ITSN1: variants seen among roughly 807,000 people sequenced by gnomAD.
ITSN1 encodes intersectin-1.
ITSN1 carries 58 observed loss-of-function variants against 239.8 expected under a neutral mutation model. The observed-to-expected ratio is 0.24, with a 90% CI of 0.20 to 0.30. The LOEUF is 0.30. Ranked by LOEUF, ITSN1 falls within the 10% of genes least tolerant of loss-of-function variation. ITSN1 has a pLI of 1.00. For missense variants in ITSN1, 1,558 were observed against 2,103.3 expected (o/e 0.74, Z 5.07); for synonymous variants, 780 against 770.8 (o/e 1.01, Z -0.20).
chr21:33,739,423 C>G (rs1415029413), intron 5 of ITSN1, among the ~76,000 whole-genome samples: 1 of 152,128 alleles, frequency 6.6e-6, no homozygotes, highest in Non-Finnish European at 1.5e-5. Context: ...GTTTTGTAAG[C>G]CCCTACTGTG....
intron 4 of ITSN1, among the ~76,000 whole-genome samples, chr21:33,726,625 A>G (rs1202957248): frequency 2.0e-5 from 3 of 152,206 alleles, no homozygotes; most frequent in South Asian, 2.1e-4. Context: ...GGACTCAAAC[A>G]ATCCTCCCAC....
At chr21:33,731,830 CTG>C (rs2066205344) in intron 4 of ITSN1, among the ~76,000 whole-genome samples, 1 of 152,126 alleles carries the variant, frequency 6.6e-6, no homozygotes, top group Non-Finnish European at 1.5e-5. Context: ...GAGTCAAACT[CTG>C]TAAAATATTT....
intron 16 of ITSN1, among the ~76,000 whole-genome samples, chr21:33,788,837 A>G (rs1892588): frequency 0.52 from 79,318 of 152,034 alleles, 20,927 homozygotes; most frequent in East Asian, 0.81. Context: ...ACAGTGACAT[A>G]TATCTCAGGA....
rs2069467523 is a variant in ITSN1 at position 33,774,811 on chromosome 21, A to G, written c.1388A>G (p.Lys463Arg). Residue 463 changes from lysine (K) to arginine (R), a missense_variant, in exon 13 of 40, where the codon AAA becomes AGA. Transcript: ENST00000381318. ...RRQELLNQRN[K>R]EQEDIVVLKA... ...CAAGAACTACTAAATCAAAGAAACAAAGAACAAGAGGACATAGTTGTACTG... is the reference window on the plus strand; with the variant it reads ...CAAGAACTACTAAATCAAAGAAACAGAGAACAAGAGGACATAGTTGTACTG... 1.2e-6 allele frequency: 2 copies of G among 1,614,066 alleles called. No individual in the cohort carries two copies. The highest frequency in any genetic ancestry group is 2.7e-5 in the African/African-American group (2 of 75,060).
intron 16 of ITSN1, among the ~76,000 whole-genome samples, chr21:33,793,428 A>G (rs2071303520): frequency 6.6e-6 from 1 of 152,200 alleles, no homozygotes; most frequent in Non-Finnish European, 1.5e-5. Flanking sequence ...ACTTTGACTC[A>G]TCTGATTTAT....
At chr21:33,712,498 C>T (rs1216947446) in intron 1 of ITSN1, among the ~76,000 whole-genome samples, 9 of 152,174 alleles carry the variant, frequency 5.9e-5, no homozygotes, top group Non-Finnish European at 1.2e-4. Flanking sequence ...GAGCCTAAGA[C>T]AAGCGGGAGT....
In ITSN1 at chr21:33,899,194, G is replaced by C. The variant is rs1389989380; in HGVS notation, c.*10894G>C. 1 of 152,246 alleles carries C rather than the reference G, an allele frequency of 6.6e-6. No homozygotes were observed. The highest frequency in any genetic ancestry group is 2.4e-5 in the African/African-American group (1 of 41,450). 9.4% of individuals were successfully genotyped at this position (152,246 alleles called of 1,614,324 possible). A position where few individuals can be genotyped will look rare whatever the true frequency, so the allele number is the denominator to read the frequency against. ...TCAAAAAAGTCTGGGGACAAGAAAA[G>C]CTAGAACATGGGGCCCTCCCTTCCC... On this transcript the variant is annotated 3_prime_UTR_variant, in exon 40 of 40. Transcript: ENST00000381318.
In ITSN1 at chr21:33,883,894, G is replaced by GTT. The variant is rs34448559; in HGVS notation, c.4676+245_4676+246dup. Reference sequence around the variant, plus strand: ...ATGGATTCAAACTAATTTTGCTTGAGTTTTTTTTTTTTTTTTTTTTTTTAA... The same window carrying GTT: ...ATGGATTCAAACTAATTTTGCTTGAGTTTTTTTTTTTTTTTTTTTTTTTTTAA... On this transcript the variant is annotated intron_variant, in intron 36 of 39. Coordinates refer to ENST00000381318, the MANE Select transcript of ITSN1 (RefSeq NM_003024.3). 0.045 allele frequency among the ~76,000 whole-genome samples: 4,932 copies of GTT among 109,708 alleles called. 198 individuals carry two copies. The highest frequency in any genetic ancestry group is 0.062 in the Non-Finnish European group (3,531 of 56,656). The allele number at this position is 109,708 out of a possible 152,430, so 72.0% of individuals were successfully genotyped here. A position where few individuals can be genotyped will look rare whatever the true frequency, so the allele number is the denominator to read the frequency against.
chr21:33,860,459 G>T (rs902604471), intron 31 of ITSN1, among the ~76,000 whole-genome samples: 2 of 152,222 alleles, frequency 1.3e-5, no homozygotes, highest in Non-Finnish European at 2.9e-5. Flanking sequence ...CCACTTCAGG[G>T]TTGGCCTGAG....
intron 14 of ITSN1, 41 bp from the exon 15 acceptor site, chr21:33,781,420 C>G (rs764335381): frequency 8.3e-6 from 9 of 1,080,764 alleles, no homozygotes; most frequent in Non-Finnish European, 1.3e-5. Context: ...ATGTGGTAGC[C>G]TTCCCTGTCA....
intron 33 of ITSN1, among the ~76,000 whole-genome samples, chr21:33,869,559 G>A (rs576924938): frequency 1.3e-5 from 2 of 152,304 alleles, no homozygotes; most frequent in Non-Finnish European, 2.9e-5. Flanking sequence ...TTCTTCTCCT[G>A]TCACTTTGAG....
chr21:33,706,747 T>C (rs905557070), intron 1 of ITSN1, among the ~76,000 whole-genome samples: 8 of 152,014 alleles, frequency 5.3e-5, no homozygotes, highest in Non-Finnish European at 8.8e-5. Flanking sequence ...GTTTTATTTG[T>C]TTATTTATTT....
chr21:33,751,228 C>A (rs1269721819), intron 6 of ITSN1, among the ~76,000 whole-genome samples: 1 of 152,190 alleles, frequency 6.6e-6, no homozygotes, highest in Non-Finnish European at 1.5e-5. Context: ...CAAATCCACA[C>A]ACTCTGAGTC....
At chr21:33,707,336 G>A (rs2092283639) in intron 1 of ITSN1, among the ~76,000 whole-genome samples, 1 of 151,936 alleles carries the variant, frequency 6.6e-6, no homozygotes, top group Admixed American at 6.6e-5. Context: ...ATGTTGCCCA[G>A]GCTAGTCTTG....
intron 28 of ITSN1, 88 bp downstream of exon 28, chr21:33,834,512 G>T: frequency 1.1e-6 from 1 of 936,900 alleles, no homozygotes; most frequent in South Asian, 1.4e-5. Flanking sequence ...ATCTTAGGTT[G>T]TTTTTCACAT....
At chr21:33,799,981 CCT>C in intron 19 of ITSN1, 52 bp downstream of exon 19, 2 of 1,566,568 alleles carry the variant, frequency 1.3e-6, no homozygotes, top group Non-Finnish European at 1.7e-6. Flanking sequence ...TAGCCTCTGT[CCT>C]CTTTTTTTCA....
intron 1 of ITSN1, chr21:33,643,359 CCTT>C (rs1438875123): frequency 1.3e-5 from 2 of 152,230 alleles, no homozygotes; most frequent in Admixed American, 6.5e-5. Flanking sequence ...GCGTCCCTTC[CCTT>C]CTTACGCACC....
At chr21:33,792,738 C>T (rs1448920885) in intron 16 of ITSN1, among the ~76,000 whole-genome samples, 1 of 152,258 alleles carries the variant, frequency 6.6e-6, no homozygotes, top group East Asian at 1.9e-4. Flanking sequence ...TTTCCCCTTC[C>T]CTCTGTTCCA....
chr21:33,739,741 A>C (rs1462211585), intron 5 of ITSN1, among the ~76,000 whole-genome samples: 2 of 152,196 alleles, frequency 1.3e-5, no homozygotes, highest in African/African-American at 2.4e-5. Flanking sequence ...CTAAGGCAAA[A>C]ACTAGCTTGG....
Sources: allele counts gnomAD v4.1 joint callset (sites outside exome capture counted in the v4.1 genomes callset), GRCh38; gene constraint gnomAD v4.1.1; transcripts MANE v1.5; gene names NCBI Gene and HGNC (gene_info 2026-07-23, HGNC 2026-07-21).